The following INSYN2B variants were observed in gnomAD, a reference collection of about 807,000 sequenced individuals.
INSYN2B encodes the protein protein INSYN2B.
A neutral mutation model predicts 41.2 loss-of-function variants in INSYN2B; 16 were observed. The observed-to-expected ratio is 0.39, with a 90% CI of 0.26 to 0.59. The LOEUF is 0.59. Ranked by LOEUF, INSYN2B falls within the 20% of genes least tolerant of loss-of-function variation. The probability of loss-of-function intolerance (pLI) is 0.57; values close to 1 mark genes in which losing one functional copy is unlikely to be tolerated. For synonymous variants in INSYN2B, 245 were observed against 244.4 expected, an observed-to-expected ratio of 1.00 and a Z score of -0.02; for missense variants, 608 against 646.4, an observed-to-expected ratio of 0.94 and a Z score of 0.64.
chr5:169,872,246 G>A (rs1231043744), intron 3 of INSYN2B, among the ~76,000 whole-genome samples: 2 of 152,180 alleles, frequency 1.3e-5, no homozygotes, highest in Non-Finnish European at 1.5e-5. Flanking sequence ...TAAAGAATTA[G>A]CTGTAAGAAT....
intron 1 of INSYN2B, among the ~76,000 whole-genome samples, chr5:169,934,354 G>A (rs554256381): frequency 4.7e-4 from 71 of 152,230 alleles, no homozygotes; most frequent in Admixed American, 1.4e-3. Context: ...CCCCGGAGTG[G>A]ATCATAGCCA....
chr5:169,951,919 A>G (rs1434203715), intron 1 of INSYN2B, among the ~76,000 whole-genome samples: 2 of 152,330 alleles, frequency 1.3e-5, no homozygotes, highest in Admixed American at 1.3e-4. Flanking sequence ...CACAAACTTC[A>G]CTACCTTGAC....
At chr5:169,946,062 G>T in intron 1 of INSYN2B, among the ~76,000 whole-genome samples, 1 of 152,120 alleles carries the variant, frequency 6.6e-6, no homozygotes, top group Non-Finnish European at 1.5e-5. Context: ...GCTCCTCAGA[G>T]CCAAAGCTGT....
At chr5:169,879,949 A>C (rs756262813) in intron 3 of INSYN2B, among the ~76,000 whole-genome samples, 10 of 152,214 alleles carry the variant, frequency 6.6e-5, no homozygotes, top group Non-Finnish European at 1.5e-4. Flanking sequence ...CCAAAATTTA[A>C]ATGGAGGTTA....
At chr5:169,944,683 G>A (rs1776375955) in intron 1 of INSYN2B, among the ~76,000 whole-genome samples, 1 of 152,252 alleles carries the variant, frequency 6.6e-6, no homozygotes, top group Non-Finnish European at 1.5e-5. Flanking sequence ...TTAATGAAAA[G>A]CATCTGGGAT....
chr5:169,933,256 C>T (rs1264211491), intron 1 of INSYN2B, among the ~76,000 whole-genome samples: 1 of 152,246 alleles, frequency 6.6e-6, no homozygotes, highest in East Asian at 1.9e-4. Flanking sequence ...ACTTGGAGTG[C>T]ATCAGGTTAG....
intron 1 of INSYN2B, among the ~76,000 whole-genome samples, chr5:169,961,523 G>A (rs1777085289): frequency 6.6e-6 from 1 of 152,222 alleles, no homozygotes; most frequent in Non-Finnish European, 1.5e-5. Flanking sequence ...CAGGCACTGT[G>A]TTGGATGCTG....
chr5:169,974,426 G>T (rs1255241464), intron 1 of INSYN2B, among the ~76,000 whole-genome samples: 1 of 152,158 alleles, frequency 6.6e-6, no homozygotes, highest in African/African-American at 2.4e-5. Context: ...CTTTCAGATG[G>T]GAAATGGAGG....
At chr5:169,873,946 G>A (rs1772145250) in intron 3 of INSYN2B, among the ~76,000 whole-genome samples, 1 of 152,186 alleles carries the variant, frequency 6.6e-6, no homozygotes. Flanking sequence ...ATTCCAGGGA[G>A]CCTCCTTGTC....
chr5:169,888,908 G>A (rs1773127755), intron 1 of INSYN2B, among the ~76,000 whole-genome samples: 1 of 152,158 alleles, frequency 6.6e-6, no homozygotes, highest in South Asian at 2.1e-4. Context: ...AATGTACAAA[G>A]ATGGCATTCC....
intron 1 of INSYN2B, among the ~76,000 whole-genome samples, chr5:169,954,105 A>T (rs565499844): frequency 1.5e-3 from 228 of 152,356 alleles, no homozygotes; most frequent in Non-Finnish European, 2.8e-3. Flanking sequence ...TTTATCAAAC[A>T]TACTGAAAGT....
intron 1 of INSYN2B, among the ~76,000 whole-genome samples, chr5:169,914,933 A>C (rs1294097635): frequency 1.3e-5 from 2 of 152,324 alleles, no homozygotes; most frequent in East Asian, 3.9e-4. Context: ...GCCTCTTCCC[A>C]CAGGCAGCGC....
intron 1 of INSYN2B, among the ~76,000 whole-genome samples, chr5:169,943,797 T>G (rs1391848953): frequency 6.6e-6 from 1 of 152,162 alleles, no homozygotes; most frequent in African/African-American, 2.4e-5. Flanking sequence ...CAGGGACCTG[T>G]GTTTTAGCCA....
chr5:169,899,158 CA>C (rs1773781294), intron 1 of INSYN2B, among the ~76,000 whole-genome samples: 1 of 152,058 alleles, frequency 6.6e-6, no homozygotes, highest in Admixed American at 6.6e-5. Context: ...AGTAAGAGCT[CA>C]AAAAATGTTA....
In INSYN2B at chr5:169,883,327, G is replaced by A. The variant is rs1187459151; in HGVS notation, c.572C>T (p.Thr191Ile). The A allele has an allele frequency of 6.4e-7, 1 of 1,551,550 alleles. No individual in the cohort carries two copies. Among genetic ancestry groups the A allele is most frequent in the African/African-American group, 1.4e-5 (1 of 73,054 alleles). The change falls in exon 2 of 4, where the codon ACT becomes ATT. Residue 191 changes from threonine (T) to isoleucine (I), a missense_variant. Transcript: ENST00000377365. ...GPVSICLEAG[T>I]WRSLEKATAA... is the part of the protein sequence containing the mutation. ...TGTGGCTTTCTCTAAGGACCTCCAA[G>A]TTCCTGCTTCCAAGCATATGCTAAC...
chr5:169,933,723 G>T (rs1382362863), intron 1 of INSYN2B, among the ~76,000 whole-genome samples: 1 of 152,104 alleles, frequency 6.6e-6, no homozygotes, highest in African/African-American at 2.4e-5. Context: ...CAGTTTTGGG[G>T]TCAGACACCC....
chr5:169,940,548 C>G lies in INSYN2B; in HGVS notation c.-919+39729G>C, dbSNP rs1162255636. 1.3e-5 allele frequency among the ~76,000 whole-genome samples: 2 copies of G among 151,980 alleles called. 1 individual carries two copies. The highest frequency in any genetic ancestry group is 4.2e-4 in the South Asian group (2 of 4,810). On this transcript the variant is annotated intron_variant, in intron 1 of 3. Coordinates refer to ENST00000377365, the MANE Select transcript of INSYN2B (RefSeq NM_001129891.3). The stretch of plus-strand genomic sequence containing the variant: ...ACCTTAATGTAGAATCAATGGGAAC[C>G]CTGAGCTTGTTTTTCTGCAACTAGA...
chr5:169,974,607 A>G (rs1207513547), intron 1 of INSYN2B, among the ~76,000 whole-genome samples: 1 of 152,148 alleles, frequency 6.6e-6, no homozygotes, highest in Non-Finnish European at 1.5e-5. Context: ...TGCAGGAAAG[A>G]GTGGGAGCGG....
intron 1 of INSYN2B, chr5:169,934,943 A>T: frequency 3.1e-6 from 1 of 323,142 alleles, no homozygotes; most frequent in Non-Finnish European, 6.1e-6. Context: ...ATAGAAAGTG[A>T]TTGTGCTATG....
Sources: allele counts gnomAD v4.1 joint callset (sites outside exome capture counted in the v4.1 genomes callset), GRCh38; gene constraint gnomAD v4.1.1; transcripts MANE v1.5; gene names NCBI Gene and HGNC (gene_info 2026-07-23, HGNC 2026-07-21).